The following VDAC2 variants were observed in gnomAD, a reference collection of about 807,000 sequenced individuals.
VDAC2 encodes the protein voltage dependent anion channel 2.
Under a neutral mutation model 36.6 loss-of-function variants are expected in VDAC2, and 6 were observed. The ratio of observed to expected loss-of-function variants is 0.16; its 90% CI spans 0.09 to 0.32. The LOEUF (loss-of-function observed/expected upper bound fraction) is 0.32. VDAC2 is among the 10% of genes least tolerant of loss of function. VDAC2 has a pLI of 1.00. For missense variants in VDAC2, 247 were observed against 346.0 expected (o/e 0.71, Z 2.27); for synonymous variants, 109 against 123.8 (o/e 0.88, Z 0.79).
At chr10:75,222,486 A>G (rs1841841898) in intron 8 of VDAC2, 84 bp downstream of exon 8, 1 of 1,532,800 alleles carries the variant, frequency 6.5e-7, no homozygotes, top group Non-Finnish European at 8.9e-7. Context: ...GAAAATTTGA[A>G]CTGATTTCAC....
chr10:75,227,573 A>G (rs1435956485), intron 8 of VDAC2, among the ~76,000 whole-genome samples: 1 of 116,196 alleles, frequency 8.6e-6, no homozygotes, highest in Non-Finnish European at 1.7e-5. Context: ...GTTAAATAAT[A>G]GGAATTTTTT....
intron 2 of VDAC2, chr10:75,211,493 T>A (rs1410735717): frequency 6.5e-7 from 1 of 1,531,964 alleles, no homozygotes; most frequent in Non-Finnish European, 8.8e-7. Flanking sequence ...ATCGGATCAA[T>A]CACTTTTCTA....
intron 4 of VDAC2, among the ~76,000 whole-genome samples, chr10:75,214,646 T>C (rs1841542026): frequency 6.6e-6 from 1 of 152,122 alleles, no homozygotes; most frequent in Admixed American, 6.5e-5. Context: ...TGCCTCAGCC[T>C]CTCTAGTAGC....
chr10:75,222,169 A>T, intron 7 of VDAC2, 83 bp from the exon 8 acceptor site: 1 of 1,403,718 alleles, frequency 7.1e-7, no homozygotes, highest in Non-Finnish European at 9.6e-7. Context: ...TTTTTTATTT[A>T]AATGTAATGC....
intron 3 of VDAC2, 116 bp downstream of exon 3, chr10:75,212,414 G>A: frequency 1.0e-6 from 1 of 990,856 alleles, no homozygotes; most frequent in South Asian, 1.6e-5. Context: ...TTTAAATTTA[G>A]AGTTACTTAT....
chr10:75,211,170 C>T lies in VDAC2; in HGVS notation c.12C>T (p.His4=). The T allele has an allele frequency of 1.2e-6, 2 of 1,613,162 alleles. No individual in the cohort carries two copies. The highest frequency in any genetic ancestry group is 1.1e-5 in the South Asian group (1 of 90,838). ...CCCGCGGCCTCGCCATGGCGACCCA[C>T]GGACAGACTTGCGCGCGTCGTAAGT... MAT[H]GQTCARPMCI... is the part of the protein sequence containing the mutation. Residue 4 remains histidine, a synonymous_variant, in exon 2 of 10, where the codon CAC becomes CAT. Transcript: ENST00000332211.
intron 4 of VDAC2, among the ~76,000 whole-genome samples, chr10:75,215,259 G>GT (rs961756945): frequency 6.6e-6 from 1 of 151,304 alleles, no homozygotes; most frequent in African/African-American, 2.4e-5. Flanking sequence ...AAAAATTTTT[G>GT]TTTTGAGATT....
intron 7 of VDAC2, among the ~76,000 whole-genome samples, chr10:75,221,859 A>G (rs1841822671): frequency 6.6e-6 from 1 of 152,238 alleles, no homozygotes. Context: ...TCATTGGTAA[A>G]TAACAGAAGC....
At chr10:75,220,169 G>T (rs914072735) in intron 6 of VDAC2, among the ~76,000 whole-genome samples, 1 of 150,904 alleles carries the variant, frequency 6.6e-6, no homozygotes, top group Non-Finnish European at 1.5e-5. Flanking sequence ...GCAATGGTGC[G>T]ATCTTGGCTC....
At chr10:75,211,357 C>G in intron 2 of VDAC2, 168 bp downstream of exon 2, 1 of 1,390,398 alleles carries the variant, frequency 7.2e-7, no homozygotes, top group Non-Finnish European at 9.6e-7. Flanking sequence ...GGCTGGGCTG[C>G]TGGATTTCAA....
Position 75,229,716 on chromosome 10 carries a change from TA to T in VDAC2, c.793+18del, listed in dbSNP as rs1842052696. 1 of 1,585,188 alleles carries T rather than the reference TA, an allele frequency of 6.3e-7. No individual in the cohort carries two copies. Among genetic ancestry groups the T allele is most frequent in the Non-Finnish European group, 8.6e-7 (1 of 1,169,346 alleles). ...TCTGAGGCCTGGTAAGTATTCTTGA[TA>T]AAGTAGGATTGTTTTGATAGTATTA... On this transcript the variant is annotated intron_variant, in intron 9 of 9. Coordinates refer to ENST00000332211, the MANE Select transcript of VDAC2 (RefSeq NM_001391963.1).
At chr10:75,213,572 A>G (rs977060720) in intron 3 of VDAC2, among the ~76,000 whole-genome samples, 2 of 151,906 alleles carry the variant, frequency 1.3e-5, no homozygotes, top group Admixed American at 6.6e-5. Context: ...GTGAAACCCC[A>G]TCTCTACTAA....
intron 8 of VDAC2, among the ~76,000 whole-genome samples, chr10:75,228,186 G>A (rs931928629): frequency 1.1e-4 from 17 of 152,044 alleles, no homozygotes; most frequent in Non-Finnish European, 1.8e-4. Context: ...GAGCCACTGC[G>A]CCTGGCCAAT....
At chr10:75,211,270 TA>T in intron 2 of VDAC2, 81 bp downstream of exon 2, 1 of 1,552,172 alleles carries the variant, frequency 6.4e-7, no homozygotes, top group Non-Finnish European at 8.8e-7. Flanking sequence ...TGTTTCCCCC[TA>T]TCTTTCCAAG....
chr10:75,220,087 A>G (rs1841764840), intron 6 of VDAC2, among the ~76,000 whole-genome samples: 1 of 147,842 alleles, frequency 6.8e-6, no homozygotes, highest in African/African-American at 2.5e-5. Flanking sequence ...CAGCCTCCCA[A>G]AGTGCTGGGA....
intron 8 of VDAC2, among the ~76,000 whole-genome samples, chr10:75,228,774 C>G (rs555240899): frequency 6.6e-6 from 1 of 152,286 alleles, no homozygotes; most frequent in East Asian, 1.9e-4. Context: ...TATTGTAGCC[C>G]TCAGAATGCT....
At chr10:75,223,610 C>T (rs898444473) in intron 8 of VDAC2, among the ~76,000 whole-genome samples, 3 of 152,190 alleles carry the variant, frequency 2.0e-5, no homozygotes, top group African/African-American at 7.2e-5. Flanking sequence ...ATTTGGTTCT[C>T]CTTCCCTCTC....
At chr10:75,217,673 C>G (rs1366680187) in intron 4 of VDAC2, among the ~76,000 whole-genome samples, 1 of 152,152 alleles carries the variant, frequency 6.6e-6, no homozygotes, top group Non-Finnish European at 1.5e-5. Context: ...CCACCACACC[C>G]AGCCAGTCCA....
chr10:75,214,453 T>C (rs910353513), intron 4 of VDAC2, among the ~76,000 whole-genome samples: 2 of 152,258 alleles, frequency 1.3e-5, no homozygotes, highest in Admixed American at 1.3e-4. Context: ...ATCATTTATA[T>C]AATGTCCATT....
Sources: allele counts gnomAD v4.1 joint callset (sites outside exome capture counted in the v4.1 genomes callset), GRCh38; gene constraint gnomAD v4.1.1; transcripts MANE v1.5; gene names NCBI Gene and HGNC (gene_info 2026-07-23, HGNC 2026-07-21).